RFX3: variants seen among roughly 807,000 people sequenced by gnomAD.
The protein encoded by RFX3 is transcription factor RFX3.
RFX3 carries 14 observed loss-of-function variants against 98.6 expected under a neutral mutation model. That is an observed-to-expected ratio of 0.14 (90% CI 0.09 to 0.22). The LOEUF (loss-of-function observed/expected upper bound fraction) is 0.22. Ranked by LOEUF, RFX3 falls within the 10% of genes least tolerant of loss-of-function variation. The probability of loss-of-function intolerance (pLI) is 1.00; values close to 1 mark genes in which losing one functional copy is unlikely to be tolerated. For synonymous variants in RFX3, 383 were observed against 328.4 expected, an observed-to-expected ratio of 1.17 and a Z score of -1.80; for missense variants, 639 against 926.9, an observed-to-expected ratio of 0.69 and a Z score of 4.03.
intron 7 of RFX3, among the ~76,000 whole-genome samples, chr9:3,283,288 T>A (rs758057649): frequency 6.6e-6 from 1 of 151,758 alleles, no homozygotes; most frequent in Non-Finnish European, 1.5e-5. Context: ...ATAATAATGA[T>A]CCTAATAATA....
intron 2 of RFX3, among the ~76,000 whole-genome samples, chr9:3,347,367 T>C (rs927326521): frequency 6.6e-6 from 1 of 152,030 alleles, no homozygotes; most frequent in African/African-American, 2.4e-5. Context: ...TGAAATTCTA[T>C]TCCAATTTAA....
chr9:3,498,749 G>C lies in RFX3; in HGVS notation c.-9+26998C>G, dbSNP rs189599082. Among the ~76,000 whole-genome samples, 39 of 152,126 alleles carry C rather than the reference G, an allele frequency of 2.6e-4. 1 individual carries two copies. Among genetic ancestry groups the C allele is most frequent in the African/African-American group, 9.1e-4 (38 of 41,540 alleles). On this transcript the variant is annotated intron_variant, in intron 1 of 16. Transcript: ENST00000617270. ...AGCTAAGCTTTCCCAAATCAAACTAGCTTACCGTGAAAAGAAAACCATGAC... is the reference window on the plus strand; with the variant it reads ...AGCTAAGCTTTCCCAAATCAAACTACCTTACCGTGAAAAGAAAACCATGAC...
chr9:3,265,409 G>A (rs1427148192), intron 12 of RFX3, among the ~76,000 whole-genome samples: 1 of 152,004 alleles, frequency 6.6e-6, no homozygotes. Flanking sequence ...TTCCCACAGA[G>A]GTTTATCAGC....
intron 11 of RFX3, among the ~76,000 whole-genome samples, chr9:3,267,049 G>A (rs933990098): frequency 3.3e-5 from 5 of 151,938 alleles, no homozygotes; most frequent in Non-Finnish European, 5.9e-5. Context: ...ATAAAATAAT[G>A]AGAAGCATCT....
At chr9:3,253,071 A>C (rs1047272657) in intron 14 of RFX3, among the ~76,000 whole-genome samples, 3 of 152,216 alleles carry the variant, frequency 2.0e-5, no homozygotes, top group Non-Finnish European at 4.4e-5. Context: ...TTGCTAAGTT[A>C]CCATGAATTC....
rs575709635 is a variant in RFX3 at position 3,247,252 on chromosome 9, C to G, written c.1968+780G>C. The G allele has an allele frequency of 2.3e-4, 192 of 839,132 alleles. No individual in the cohort carries two copies. The African/African-American group carries it at 9.0e-3, about 39-fold the overall frequency. The allele number at this position is 839,132 out of a possible 1,614,324, so 52.0% of individuals were successfully genotyped here. ...CTATTCCTCATTATATTAACCAGCC[C>G]TTGTTATATTCAGAGTTTAAGCTTT... On this transcript the variant is annotated intron_variant, in intron 15 of 16. Transcript: ENST00000617270.
At chr9:3,495,621 G>A (rs1458130142) in intron 1 of RFX3, among the ~76,000 whole-genome samples, 1 of 152,130 alleles carries the variant, frequency 6.6e-6, no homozygotes, top group Non-Finnish European at 1.5e-5. Flanking sequence ...CTGTATCTGC[G>A]TAACTATATC....
chr9:3,459,959 G>A (rs188194890), intron 1 of RFX3, among the ~76,000 whole-genome samples: 5 of 151,890 alleles, frequency 3.3e-5, no homozygotes, highest in African/African-American at 7.2e-5. Context: ...CGTAATGTAC[G>A]TATTGCTTTT....
intron 1 of RFX3, among the ~76,000 whole-genome samples, chr9:3,483,780 C>G (rs533679703): frequency 2.0e-4 from 31 of 152,240 alleles, no homozygotes; most frequent in African/African-American, 6.5e-4. Flanking sequence ...GGGTAAACTG[C>G]TGGGTTTGAG....
chr9:3,260,991 A>G (rs1190853228), intron 13 of RFX3, among the ~76,000 whole-genome samples: 1 of 151,578 alleles, frequency 6.6e-6, no homozygotes, highest in African/African-American at 2.4e-5. Flanking sequence ...ATCGTACTCT[A>G]AAATGGATCA....
intron 1 of RFX3, among the ~76,000 whole-genome samples, chr9:3,476,862 T>C (rs924876767): frequency 1.3e-5 from 2 of 152,134 alleles, no homozygotes; most frequent in African/African-American, 2.4e-5. Context: ...GGCTTTAGTG[T>C]TAAACAGACC....
intron 1 of RFX3, among the ~76,000 whole-genome samples, chr9:3,451,927 G>C (rs905467785): frequency 2.0e-5 from 3 of 149,792 alleles, no homozygotes; most frequent in Admixed American, 2.0e-4. Flanking sequence ...TTTTGGAATT[G>C]TACAATTTCA....
In RFX3 at chr9:3,512,307, G is replaced by A. The variant is rs1165038306; in HGVS notation, c.-9+13440C>T. On this transcript the variant is annotated intron_variant, in intron 1 of 16. Coordinates refer to ENST00000617270, the MANE Select transcript of RFX3 (RefSeq NM_001282116.2). ...ATTATATAGCTTTAGAGCAATAGAAGGTACTACTTTGTTAAATCCATATAA... is the reference window on the plus strand; with the variant it reads ...ATTATATAGCTTTAGAGCAATAGAAAGTACTACTTTGTTAAATCCATATAA... 3.3e-5 allele frequency among the ~76,000 whole-genome samples: 5 copies of A among 151,788 alleles called. No individual in the cohort carries two copies. In the East Asian group the frequency reaches 9.6e-4, roughly 29 times the overall value.
intron 3 of RFX3, among the ~76,000 whole-genome samples, chr9:3,342,240 A>G (rs1262102936): frequency 6.6e-6 from 1 of 152,190 alleles, no homozygotes; most frequent in Non-Finnish European, 1.5e-5. Flanking sequence ...CTCTGGTTCT[A>G]TGCATTTCTA....
At chr9:3,467,031 T>C (rs1175548598) in intron 1 of RFX3, among the ~76,000 whole-genome samples, 1 of 88,270 alleles carries the variant, frequency 1.1e-5, no homozygotes, top group East Asian at 4.4e-4. Flanking sequence ...TAAAGAATTA[T>C]ATATATATAT....
intron 3 of RFX3, among the ~76,000 whole-genome samples, chr9:3,340,445 C>T (rs1343546576): frequency 6.6e-6 from 1 of 152,166 alleles, no homozygotes; most frequent in Non-Finnish European, 1.5e-5. Context: ...GCAAAAGAAA[C>T]TACCATCAGA....
intron 1 of RFX3, among the ~76,000 whole-genome samples, chr9:3,423,064 T>C (rs1843594075): frequency 6.6e-6 from 1 of 152,222 alleles, no homozygotes; most frequent in Non-Finnish European, 1.5e-5. Flanking sequence ...TAAATGCAGA[T>C]TCCTGATGAC....
chr9:3,283,851 T>C (rs1826236530), intron 7 of RFX3, among the ~76,000 whole-genome samples: 1 of 137,066 alleles, frequency 7.3e-6, no homozygotes, highest in South Asian at 2.1e-4. Context: ...TGCAAAAATT[T>C]TATTACGTGT....
chr9:3,277,398 T>A lies in RFX3; in HGVS notation c.915A>T (p.Thr305=). Residue 305 remains threonine, a synonymous_variant, in exon 8 of 17, where the codon ACA becomes ACT. Transcript: ENST00000617270. Reference sequence around the variant, plus strand: ...TTACAGTTTGCTCAACAGATGTGCCTGTCTGTTGACCACTTCCTGTGAAAC... The same window carrying A: ...TTACAGTTTGCTCAACAGATGTGCCAGTCTGTTGACCACTTCCTGTGAAAC... ...ADGFTGSGQQ[T]GTSVEQTVIA... is the part of the protein sequence containing the mutation. The A allele has an allele frequency of 6.2e-7, 1 of 1,612,058 alleles. No individual in the cohort carries two copies.
Sources: allele counts gnomAD v4.1 joint callset (sites outside exome capture counted in the v4.1 genomes callset), GRCh38; gene constraint gnomAD v4.1.1; transcripts MANE v1.5; gene names NCBI Gene and HGNC (gene_info 2026-07-23, HGNC 2026-07-21).